Variants in APOL3 observed in about 807,000 individuals in gnomAD.
APOL3 encodes the protein TNF-inducible protein CG12-1.
APOL3 carries 14 observed loss-of-function variants against 11.6 expected under a neutral mutation model. The ratio of observed to expected loss-of-function variants is 1.21; its 90% CI spans 0.80 to 1.89. The LOEUF (loss-of-function observed/expected upper bound fraction) is 1.89. Ranked by LOEUF, APOL3 falls within the 40% of genes most tolerant of loss-of-function variation. The pLI is 0.00. For missense variants in APOL3, 483 were observed against 492.1 expected (o/e 0.98, Z 0.17); for synonymous variants, 192 against 190.6 (o/e 1.01, Z -0.06).
chr22:36,150,532 G>A (rs970963421), intron 1 of APOL3, among the ~76,000 whole-genome samples: 4 of 152,136 alleles, frequency 2.6e-5, no homozygotes, highest in Non-Finnish European at 4.4e-5. Context: ...CCAACCAGAC[G>A]GACTCAAGAA....
At chr22:36,160,155 T>C (rs147182276) in intron 1 of APOL3, among the ~76,000 whole-genome samples, 5,236 of 152,198 alleles carry the variant, frequency 0.034, 215 homozygotes, top group African/African-American at 0.1. Context: ...AGTGCTGGGA[T>C]TACAGGCATG....
At chr22:36,153,498 T>C in intron 1 of APOL3, 1 of 434,770 alleles carries the variant, frequency 2.3e-6, no homozygotes, top group East Asian at 7.1e-5. Context: ...AGTGAACTCC[T>C]ATCTTGAATC....
At chr22:36,160,631 A>G (rs1163897890) in intron 1 of APOL3, 38 bp downstream of exon 1, 1 of 1,599,006 alleles carries the variant, frequency 6.3e-7, no homozygotes, top group Admixed American at 1.7e-5. Context: ...TGCTGTGAGG[A>G]TGGGGAGATG....
intron 2 of APOL3, 50 bp downstream of exon 3, chr22:36,145,423 C>G: frequency 6.2e-7 from 1 of 1,601,296 alleles, no homozygotes; most frequent in Non-Finnish European, 8.5e-7. Context: ...CAGGGGAGAT[C>G]AGGATGGCAT....
exon 3 of APOL3, chr22:36,141,069 G>A (rs1485151769): frequency 3.6e-6 from 5 of 1,393,396 alleles, no homozygotes; most frequent in Non-Finnish European, 4.8e-6. Flanking sequence ...CTCAGCTACA[G>A]AAATGCCAAA....
At chr22:36,142,123 A>C in intron 2 of APOL3, 65 bp from the exon 4 acceptor site, 3 of 1,506,546 alleles carry the variant, frequency 2.0e-6, no homozygotes, top group Non-Finnish European at 2.7e-6. Flanking sequence ...CAGCTCAATA[A>C]GATCTGTTCT....
intron 1 of APOL3, chr22:36,154,566 AGGAAGAGCTGCCACAGACATTT>A: frequency 2.1e-6 from 1 of 468,874 alleles, no homozygotes; most frequent in South Asian, 1.6e-5. Flanking sequence ...TTGAGAATGA[AGGAAGAGCTGCCACAGACATTT>A]GGAAGCTGGC....
chr22:36,145,170 A>G (rs2060146501), intron 2 of APOL3, among the ~76,000 whole-genome samples: 2 of 152,290 alleles, frequency 1.3e-5, no homozygotes, highest in East Asian at 1.9e-4. Flanking sequence ...TTTTCTCACA[A>G]TAAAGCTCAA....
intron 1 of APOL3, among the ~76,000 whole-genome samples, chr22:36,160,122 A>G (rs1167759165): frequency 6.6e-6 from 1 of 152,048 alleles, no homozygotes; most frequent in African/African-American, 2.4e-5. Flanking sequence ...ACCTCAAGTG[A>G]TCTACCCGTC....
At chr22:36,145,477 G>A (rs767855236) in exon 2 of APOL3, 1 of 1,614,042 alleles carries the variant, frequency 6.2e-7, no homozygotes, top group Non-Finnish European at 8.5e-7. Flanking sequence ...GGTTACCTGG[G>A]CAATTCAGCC....
chr22:36,155,568 T>C (rs979155741), intron 1 of APOL3, among the ~76,000 whole-genome samples: 4 of 151,654 alleles, frequency 2.6e-5, no homozygotes, highest in African/African-American at 9.7e-5. Flanking sequence ...GGGATAAGGG[T>C]GATAGAAGGA....
chr22:36,163,924 TCC>T (rs2013795849), upstream of APOL3, among the ~76,000 whole-genome samples: 1 of 152,246 alleles, frequency 6.6e-6, no homozygotes, highest in South Asian at 2.1e-4. Flanking sequence ...CCACTGACTT[TCC>T]CTAGTGCCTT....
At chr22:36,157,180 G>A (rs1179505366) in intron 1 of APOL3, among the ~76,000 whole-genome samples, 1 of 152,158 alleles carries the variant, frequency 6.6e-6, no homozygotes, top group African/African-American at 2.4e-5. Flanking sequence ...GCTAACCTCT[G>A]AATCATAGCC....
rs182006386 is a variant in APOL3 at position 36,157,562 on chromosome 22, C to G, written c.223+3107G>C. Among the ~76,000 whole-genome samples the G allele has an allele frequency of 1.7e-3, 266 of 152,280 alleles. 1 individual carries two copies. Among genetic ancestry groups the G allele is most frequent in the Admixed American group, 5.3e-3 (81 of 15,300 alleles). On this transcript the variant is annotated intron_variant, in intron 1 of 2. Coordinates refer to ENST00000349314, the Ensembl canonical transcript of APOL3. Reference sequence around the variant, plus strand: ...TGGGAAGACCTTTCGAATCAAAACTCAATTCCCAGAAGACTTAAAGGGAAA... The same window carrying G: ...TGGGAAGACCTTTCGAATCAAAACTGAATTCCCAGAAGACTTAAAGGGAAA...
At chr22:36,141,733 G>A in exon 3 of APOL3, 1 of 1,614,068 alleles carries the variant, frequency 6.2e-7, no homozygotes, top group Non-Finnish European at 8.5e-7. Flanking sequence ...GCTGCTCCCA[G>A]CCCTACCCCA....
intron 1 of APOL3, among the ~76,000 whole-genome samples, chr22:36,156,206 T>G (rs1240218256): frequency 6.6e-6 from 1 of 152,194 alleles, no homozygotes; most frequent in Non-Finnish European, 1.5e-5. Flanking sequence ...TCGATCCTCC[T>G]GCCTCATCCT....
At chr22:36,155,687 G>C (rs1414304304) in intron 1 of APOL3, 1 of 162,474 alleles carries the variant, frequency 6.2e-6, no homozygotes, top group Non-Finnish European at 1.4e-5. Flanking sequence ...ACAGAGCAGA[G>C]GAGCAGGAGG....
Position 36,141,982 on chromosome 22 carries a change from G to A in APOL3, c.427C>T (p.Gln143Ter). 6.2e-7 allele frequency: 1 copy of A among 1,614,154 alleles called. No homozygotes were observed. The highest frequency in any genetic ancestry group is 1.1e-5 in the South Asian group (1 of 91,078). ...CATTCCCTAAACTGCTCATCTTTCTGCTGCACATATTCGTCCTCAATAGCT... is the reference window on the plus strand; with the variant it reads ...CATTCCCTAAACTGCTCATCTTTCTACTGCACATATTCGTCCTCAATAGCT... The change falls in exon 3 of 3, where the codon CAG (glutamine) becomes TAG (stop). Residue 143 changes from glutamine to a stop codon, truncating the protein, a stop_gained. Transcript: ENST00000349314. LOFTEE classifies it low-confidence loss of function (END_TRUNC).
At chr22:36,148,049 T>C (rs2060284239) in intron 1 of APOL3, among the ~76,000 whole-genome samples, 1 of 152,238 alleles carries the variant, frequency 6.6e-6, no homozygotes, top group Non-Finnish European at 1.5e-5. Context: ...TCAAATAATG[T>C]CCTTATTCCA....
Sources: gnomAD v4.1 joint callset for allele counts (sites outside exome capture counted in the v4.1 genomes callset) on GRCh38, gnomAD v4.1.1 for gene constraint, MANE v1.5 for transcripts, NCBI Gene and HGNC (gene_info 2026-07-23, HGNC 2026-07-21) for gene names.